CLPB: variants seen among roughly 807,000 people sequenced by gnomAD.
CLPB encodes the protein ClpB family mitochondrial disaggregase.
In CLPB, 40 loss-of-function variants were observed where a neutral mutation model predicts 78.4. The ratio of observed to expected loss-of-function variants is 0.51; its 90% CI spans 0.40 to 0.66. The LOEUF (loss-of-function observed/expected upper bound fraction) is 0.66. Ranked by LOEUF, CLPB falls within the 30% of genes least tolerant of loss-of-function variation. The pLI, the probability that CLPB is intolerant of heterozygous loss-of-function variation, is 0.00. For synonymous variants in CLPB, 333 were observed against 348.0 expected, an observed-to-expected ratio of 0.96 and a Z score of 0.48; for missense variants, 780 against 886.9, an observed-to-expected ratio of 0.88 and a Z score of 1.53.
At chr11:72,369,452 T>C (rs1169612824) in intron 4 of CLPB, among the ~76,000 whole-genome samples, 2 of 151,878 alleles carry the variant, frequency 1.3e-5, no homozygotes, top group South Asian at 2.1e-4. Flanking sequence ...GCAGTGTTCT[T>C]TGAGCTCCAG....
intron 2 of CLPB, among the ~76,000 whole-genome samples, chr11:72,416,945 G>T (rs1414152152): frequency 6.6e-6 from 1 of 152,238 alleles, no homozygotes; most frequent in African/African-American, 2.4e-5. Flanking sequence ...ATGTGGAAAA[G>T]GTAGAACCCT....
Position 72,315,476 on chromosome 11 carries a change from G to A in CLPB, c.988+1630C>T, listed in dbSNP as rs78105330. 2.2e-4 allele frequency among the ~76,000 whole-genome samples: 33 copies of A among 152,344 alleles called. No individual in the cohort carries two copies. The East Asian group carries it at 5.6e-3, about 26-fold the overall frequency. Reference sequence around the variant, plus strand: ...TTGGCTCCAGTGGCCCTAGACCAGAGAGGCCATGGGGGCCTGAGCTGTGAG... The same window carrying A: ...TTGGCTCCAGTGGCCCTAGACCAGAAAGGCCATGGGGGCCTGAGCTGTGAG... On this transcript the variant is annotated intron_variant, in intron 7 of 15. Coordinates refer to ENST00000538039, the MANE Select transcript of CLPB (RefSeq NM_001258392.3).
At chr11:72,384,032 T>G (rs1305548661) in intron 3 of CLPB, among the ~76,000 whole-genome samples, 1 of 152,218 alleles carries the variant, frequency 6.6e-6, no homozygotes, top group Non-Finnish European at 1.5e-5. Context: ...CACATGCCAG[T>G]AGTCTCATAT....
At chr11:72,362,343 A>C (rs767717904) in intron 4 of CLPB, among the ~76,000 whole-genome samples, 1 of 152,192 alleles carries the variant, frequency 6.6e-6, no homozygotes, top group Admixed American at 6.5e-5. Flanking sequence ...ATTCCCCACT[A>C]GACAAAAAAC....
At chr11:72,388,282 G>A (rs535909453) in intron 3 of CLPB, among the ~76,000 whole-genome samples, 87 of 134,562 alleles carry the variant, frequency 6.5e-4, no homozygotes, top group African/African-American at 2.5e-3. Flanking sequence ...ACAGAATCTC[G>A]CTTTGTCGCC....
intron 5 of CLPB, among the ~76,000 whole-genome samples, chr11:72,339,489 T>G (rs1000395714): frequency 6.6e-6 from 1 of 152,228 alleles, no homozygotes; most frequent in Non-Finnish European, 1.5e-5. Context: ...AAATAGAATA[T>G]GAGCAGCCTC....
At chr11:72,429,594 G>T (rs1333756131) in intron 2 of CLPB, among the ~76,000 whole-genome samples, 1 of 152,142 alleles carries the variant, frequency 6.6e-6, no homozygotes, top group African/African-American at 2.4e-5. Context: ...GCCCAGTGGG[G>T]GGCATAGTTT....
chr11:72,385,403 A>G (rs1399942913), intron 3 of CLPB, among the ~76,000 whole-genome samples: 2 of 152,266 alleles, frequency 1.3e-5, no homozygotes, highest in Non-Finnish European at 2.9e-5. Context: ...AAAACGTCTT[A>G]GAACATATAA....
chr11:72,294,176 A>G (rs1039412370), intron 14 of CLPB, 50 bp from the exon 15 acceptor site: 1 of 1,608,406 alleles, frequency 6.2e-7, no homozygotes, highest in Non-Finnish European at 8.5e-7. Context: ...ACTGCTTTCC[A>G]TCTCTTGCCA....
chr11:72,309,476 G>A (rs1018589176), intron 7 of CLPB, among the ~76,000 whole-genome samples: 2 of 152,136 alleles, frequency 1.3e-5, no homozygotes, highest in African/African-American at 2.4e-5. Context: ...TGAACATGCT[G>A]TATGCTAAGC....
Position 72,291,318 on chromosome 11 carries a change from CTTTTT to C in CLPB, c.*2044_*2048del, listed in dbSNP as rs963602817. 1 of 152,118 alleles carries C rather than the reference CTTTTT, an allele frequency of 6.6e-6. No homozygotes were observed. Among genetic ancestry groups the C allele is most frequent in the African/African-American group, 2.4e-5 (1 of 41,434 alleles). The allele number at this position is 152,118 out of a possible 1,614,324, so 9.4% of individuals were successfully genotyped here. On this transcript the variant is annotated 3_prime_UTR_variant, in exon 16 of 16. Coordinates refer to ENST00000538039, the MANE Select transcript of CLPB (RefSeq NM_001258392.3). ...TTATCAATGTTAACTTCCTGGTTTT[CTTTTT>C]TTGAGACGGAGTCTCACTCTGTCGC...
chr11:72,293,211 G>A lies in CLPB; in HGVS notation c.*156C>T. The A allele has an allele frequency of 3.3e-6, 3 of 906,108 alleles. No homozygotes were observed. The highest frequency in any genetic ancestry group is 3.3e-6 in the Non-Finnish European group (2 of 606,986). The allele number at this position is 906,108 out of a possible 1,614,324, so 56.1% of individuals were successfully genotyped here. ...GCGAAATTCCTCCTTCAGGTTTTGG[G>A]GCTGAGAAGGGGTCTTCATGGGCTG... On this transcript the variant is annotated 3_prime_UTR_variant, in exon 16 of 16. Transcript: ENST00000538039.
At chr11:72,364,766 G>C (rs1259520374) in intron 4 of CLPB, among the ~76,000 whole-genome samples, 1 of 152,070 alleles carries the variant, frequency 6.6e-6, no homozygotes, top group Non-Finnish European at 1.5e-5. Context: ...GCAGCAACGT[G>C]TATTAGAAAG....
At chr11:72,296,017 G>A (rs142942206) in intron 11 of CLPB, among the ~76,000 whole-genome samples, 4 of 152,318 alleles carry the variant, frequency 2.6e-5, no homozygotes, top group South Asian at 2.1e-4. Flanking sequence ...CTGTGGTGGG[G>A]TACTGGGGTC....
intron 4 of CLPB, among the ~76,000 whole-genome samples, chr11:72,362,256 C>T (rs1482111599): frequency 1.3e-5 from 2 of 152,206 alleles, no homozygotes; most frequent in East Asian, 3.8e-4. Flanking sequence ...TTCCTAAGAG[C>T]TCCTCTAGCA....
rs767714428 is a variant in CLPB, at chr11:72,380,289, G to C, written c.638C>G (p.Ser213Cys). Residue 213 changes from serine to cysteine, a missense_variant, in exon 4 of 16, where the codon TCT (serine) becomes TGT (cysteine). Coordinates refer to ENST00000538039, the MANE Select transcript of CLPB (RefSeq NM_001258392.3). ...GGACAGCCCACACTTACCTTCCAAA[G>C]AATGGATTCCCTGTTCCTTGGCAGT... Reference protein sequence around the residue: ...YKTAKEQGIHSLEVLITREDD... With the variant: ...YKTAKEQGIHCLEVLITREDD... 1.5e-5 allele frequency: 24 copies of C among 1,613,040 alleles called. No individual in the cohort carries two copies. The highest frequency in any genetic ancestry group is 8.3e-5 in the Admixed American group (5 of 60,002).
intron 2 of CLPB, among the ~76,000 whole-genome samples, chr11:72,408,974 A>C (rs1855795294): frequency 6.6e-6 from 1 of 152,226 alleles, no homozygotes; most frequent in South Asian, 2.1e-4. Context: ...CAATGGGCAA[A>C]ATGTGGCAAG....
chr11:72,317,823 T>A (rs1834536328), intron 6 of CLPB, among the ~76,000 whole-genome samples: 1 of 152,200 alleles, frequency 6.6e-6, no homozygotes, highest in Admixed American at 6.5e-5. Context: ...CTGTGCCCCG[T>A]TGCCTGGGAG....
chr11:72,337,596 T>C (rs1950345263), intron 5 of CLPB, among the ~76,000 whole-genome samples: 2 of 152,178 alleles, frequency 1.3e-5, no homozygotes, highest in African/African-American at 2.4e-5. Context: ...AGCAGATAAA[T>C]AGTAAAGCTG....
Sources: gnomAD v4.1 joint callset for allele counts (sites outside exome capture counted in the v4.1 genomes callset) on GRCh38, gnomAD v4.1.1 for gene constraint, MANE v1.5 for transcripts, NCBI Gene and HGNC (gene_info 2026-07-23, HGNC 2026-07-21) for gene names.